POTEE: variants seen among roughly 807,000 people sequenced by gnomAD.
POTEE encodes POTE ankyrin domain family member E, also known as ANKRD26-like family C member 1A.
In POTEE, 21 loss-of-function variants were observed where a neutral mutation model predicts 74.2. The observed-to-expected ratio is 0.28, with a 90% confidence interval of 0.20 to 0.41. The LOEUF is 0.41. Ranked by LOEUF, POTEE falls within the 10% of genes least tolerant of loss-of-function variation. The pLI, the probability that POTEE is intolerant of heterozygous loss-of-function variation, is 1.00. For synonymous variants in POTEE, 211 were observed against 432.8 expected, an observed-to-expected ratio of 0.49 and a Z score of 6.36; for missense variants, 525 against 1,158.6, an observed-to-expected ratio of 0.45 and a Z score of 7.94.
intron 9 of POTEE, among the ~76,000 whole-genome samples, chr2:131,235,172 T>G (rs1468373015): frequency 2.0e-5 from 3 of 147,716 alleles, no homozygotes; most frequent in Admixed American, 6.7e-5. Context: ...GTCTCAATAT[T>G]TAAGTCTCTG....
At chr2:131,262,764 G>A (rs1345816169) in intron 17 of POTEE, among the ~76,000 whole-genome samples, 1 of 152,260 alleles carries the variant, frequency 6.6e-6, no homozygotes, top group Non-Finnish European at 1.5e-5. Context: ...GTGTAGAAGG[G>A]TACAGTGCTT....
At chr2:131,258,632 A>G (rs191574071) in intron 16 of POTEE, among the ~76,000 whole-genome samples, 2 of 151,868 alleles carry the variant, frequency 1.3e-5, no homozygotes, top group Admixed American at 1.3e-4. Context: ...CTTTTTCTAT[A>G]TTTTGACTGA....
intron 16 of POTEE, among the ~76,000 whole-genome samples, chr2:131,253,830 GTAT>G (rs1272571270): frequency 1.5e-5 from 2 of 136,790 alleles, no homozygotes; most frequent in Non-Finnish European, 3.1e-5. Flanking sequence ...ATTTATTATA[GTAT>G]TATGTAAAAA....
At chr2:131,211,566 T>C (rs1175952506) in intron 2 of POTEE, among the ~76,000 whole-genome samples, 1 of 118,882 alleles carries the variant, frequency 8.4e-6, no homozygotes, top group Non-Finnish European at 1.8e-5. Context: ...TTTTTTTTTT[T>C]TTTTGAGACA....
chr2:131,222,907 T>C (rs914721835), intron 4 of POTEE, among the ~76,000 whole-genome samples: 29 of 151,976 alleles, frequency 1.9e-4, no homozygotes, highest in Non-Finnish European at 3.4e-4. Flanking sequence ...TAACATATTC[T>C]ACTTCATGTA....
At position 131,217,702 on chromosome 2, in the gene POTEE, C is replaced by A. The variant is rs1700474841; in HGVS notation, c.-94+19C>A. 6.6e-6 allele frequency among the ~76,000 whole-genome samples: 1 copy of A among 150,786 alleles called. No homozygotes were observed. Among genetic ancestry groups the A allele is most frequent in the Non-Finnish European group, 1.5e-5 (1 of 67,810 alleles). On this transcript the variant is annotated intron_variant, in intron 3 of 17. Coordinates refer to ENST00000683005, the MANE Select transcript of POTEE (RefSeq NM_001083538.3). ...TAAGCAGGCGCGTTGCATGCATCGG[C>A]CAGTGTCTGTGCCACGTGCCCTGAC... is the stretch of plus-strand genomic sequence containing the variant.
At chr2:131,218,171 G>A (rs1700493997) in intron 3 of POTEE, 139 bp from the exon 4 acceptor site, 1 of 905,232 alleles carries the variant, frequency 1.1e-6, no homozygotes, top group Non-Finnish European at 1.6e-6. Context: ...CCCTTTCTGG[G>A]GTGGGCGTGG....
chr2:131,226,042 T>G (rs1458589776), intron 6 of POTEE, among the ~76,000 whole-genome samples: 1 of 152,192 alleles, frequency 6.6e-6, no homozygotes, highest in Non-Finnish European at 1.5e-5. Flanking sequence ...CTTAGGTCAG[T>G]AAGTCGTTAA....
Position 131,215,218 on chromosome 2 carries a change from C to T in POTEE, c.-188-2371C>T, listed in dbSNP as rs939199912. Reference sequence around the variant, plus strand: ...TCTCAAGTATTTTTAATCATTTAAACGTTAGATAATAGATATGTTTTTGAT... The same window carrying T: ...TCTCAAGTATTTTTAATCATTTAAATGTTAGATAATAGATATGTTTTTGAT... On this transcript the variant is annotated intron_variant, in intron 2 of 17. Transcript: ENST00000683005. 4.3e-4 allele frequency among the ~76,000 whole-genome samples: 66 copies of T among 152,096 alleles called. No individual in the cohort carries two copies. The East Asian group carries it at 8.3e-3, about 19-fold the overall frequency.
At chr2:131,217,536 T>C (rs1364755910) in intron 2 of POTEE, among the ~76,000 whole-genome samples, 53 bp from the exon 3 acceptor site, 1 of 146,274 alleles carries the variant, frequency 6.8e-6, no homozygotes, top group Non-Finnish European at 1.5e-5. Flanking sequence ...ATCCTCAAGT[T>C]CCAGACGCTT....
chr2:131,226,060 G>T (rs7600253), intron 6 of POTEE, among the ~76,000 whole-genome samples: 1 of 151,832 alleles, frequency 6.6e-6, no homozygotes, highest in South Asian at 2.1e-4. Context: ...TAAGAGCAGA[G>T]TTTTCTCAAT....
intron 6 of POTEE, 79 bp from the exon 7 acceptor site, chr2:131,226,744 T>G: frequency 1.2e-6 from 2 of 1,601,720 alleles, no homozygotes; most frequent in Non-Finnish European, 8.5e-7. Flanking sequence ...CCATAAGATC[T>G]TACATAAAGT....
rs991859509 is a variant in POTEE, at chr2:131,264,884, A to G, written c.*201A>G. ...AGGAAGCTTCCTCCAAAGTTCTACA[A>G]TGTTGCCAAGGACTTTGATTGTACA... On this transcript the variant is annotated 3_prime_UTR_variant, in exon 18 of 18. Transcript: ENST00000683005. The G allele has an allele frequency of 2.8e-5, 29 of 1,047,720 alleles. No individual in the cohort carries two copies. The highest frequency in any genetic ancestry group is 3.6e-5 in the Non-Finnish European group (26 of 729,256). The allele number at this position is 1,047,720 out of a possible 1,614,324, so 64.9% of individuals were successfully genotyped here.
chr2:131,262,694 G>C (rs1281394431), intron 17 of POTEE, among the ~76,000 whole-genome samples: 3 of 152,044 alleles, frequency 2.0e-5, no homozygotes, highest in Non-Finnish European at 4.4e-5. Flanking sequence ...TAAGAATCGC[G>C]ATCTTAAATG....
chr2:131,248,509 T>TCA (rs1701404783), intron 13 of POTEE, among the ~76,000 whole-genome samples: 1 of 152,070 alleles, frequency 6.6e-6, no homozygotes, highest in Non-Finnish European at 1.5e-5. Flanking sequence ...TGTTTTTCGA[T>TCA]GCATGTTTAA....
At chr2:131,227,004 G>C (rs1331751943) in intron 7 of POTEE, 75 bp downstream of exon 7, 2 of 1,552,284 alleles carry the variant, frequency 1.3e-6, no homozygotes, top group African/African-American at 2.8e-5. Context: ...AAATTAATAA[G>C]ATTAATGTAT....
chr2:131,210,341 G>GT (rs1385800266), intron 1 of POTEE, among the ~76,000 whole-genome samples: 6 of 146,742 alleles, frequency 4.1e-5, no homozygotes, highest in Admixed American at 1.4e-4. Flanking sequence ...GGTTGGGGGG[G>GT]GGTATTGGGG....
chr2:131,223,058 A>C (rs1158196404), intron 4 of POTEE, among the ~76,000 whole-genome samples: 1 of 151,828 alleles, frequency 6.6e-6, no homozygotes, highest in African/African-American at 2.4e-5. Context: ...TCTCAGAATC[A>C]CTAAAATACA....
rs375574258 is a variant in POTEE, at chr2:131,218,562, A to C, written c.160A>C (p.Met54Leu). The C allele has an allele frequency of 2.4e-4, 380 of 1,611,706 alleles. 3 individuals are homozygous for C. In the East Asian group the frequency reaches 5.3e-3, roughly 22 times the overall value. The change falls in exon 4 of 18, where the codon ATG (methionine) becomes CTG (leucine). Residue 54 changes from methionine to leucine, a missense_variant. Physicochemically the swap from Met to Leu is conservative, Grantham distance 15. Coordinates refer to ENST00000683005, the MANE Select transcript of POTEE (RefSeq NM_001083538.3). Reference protein sequence around the residue: ...GTSGDHDDSAMKTLRSKMGKW... With the variant: ...GTSGDHDDSALKTLRSKMGKW... ...TTCTGGAGACCACGACGACTCTGCT[A>C]TGAAGACACTCAGGAGCAAGATGGG...
Sources: allele counts gnomAD v4.1 joint callset (sites outside exome capture counted in the v4.1 genomes callset), GRCh38; gene constraint gnomAD v4.1.1; transcripts MANE v1.5; gene names NCBI Gene and HGNC (gene_info 2026-07-23, HGNC 2026-07-21).